The following SYPL1 variants were observed in gnomAD, a reference collection of about 807,000 sequenced individuals.
SYPL1 encodes synaptophysin-like protein 1.
A neutral mutation model predicts 23.7 loss-of-function variants in SYPL1; 6 were observed. The observed-to-expected ratio is 0.25, with a 90% CI of 0.14 to 0.50. The LOEUF is 0.50. Among genes scored for constraint, SYPL1 ranks in the 20% least tolerant of loss-of-function variants. SYPL1 has a pLI of 0.98. For missense variants in SYPL1, 253 were observed against 288.9 expected (o/e 0.88, Z 0.90); for synonymous variants, 102 against 104.5 (o/e 0.98, Z 0.15).
intron 1 of SYPL1, 72 bp from the exon 2 acceptor site, chr7:106,099,354 C>A: frequency 6.6e-7 from 1 of 1,506,886 alleles, no homozygotes; most frequent in South Asian, 1.3e-5. Flanking sequence ...ACAAGGGTCA[C>A]TAAAACTGTA....
At chr7:106,111,035 T>A (rs557997483) in intron 1 of SYPL1, among the ~76,000 whole-genome samples, 15 of 152,380 alleles carry the variant, frequency 9.8e-5, no homozygotes, top group African/African-American at 3.6e-4. Flanking sequence ...TAGTCATTTG[T>A]GTGAAGTCAG....
In SYPL1 at chr7:106,112,198, A is replaced by G; in HGVS notation, c.11T>C (p.Phe4Ser). ...CTTGAGCGGGTTGAGGTTGATCTGG[A>G]AGCCGGACATCCTCTGAGGAAAGGA... is the stretch of plus-strand genomic sequence containing the variant. Reference protein sequence around the residue: MSGFQINLNPLKEP... With the variant: MSGSQINLNPLKEP... Residue 4 changes from phenylalanine (F) to serine (S), a missense_variant, in exon 1 of 5, where the codon TTC becomes TCC. Transcript: ENST00000455385. 6.5e-7 allele frequency: 1 copy of G among 1,542,564 alleles called. No homozygotes were observed. The highest frequency in any genetic ancestry group is 1.2e-5 in the South Asian group (1 of 85,336).
In SYPL1 at chr7:106,092,453, A is replaced by C. The variant is rs117985197; in HGVS notation, c.591+496T>G. ...TTTGAGAGGCTGAAGCAGGCAGATCACTTGAGGTCGGGAGTTTGACCAGCC... is the reference window on the plus strand; with the variant it reads ...TTTGAGAGGCTGAAGCAGGCAGATCCCTTGAGGTCGGGAGTTTGACCAGCC... On this transcript the variant is annotated intron_variant, in intron 4 of 4. Coordinates refer to ENST00000455385, the MANE Select transcript of SYPL1 (RefSeq NM_182715.4). 1,270 of 222,158 alleles carry C rather than the reference A, an allele frequency of 5.7e-3. 5 individuals carry two copies. The highest frequency in any genetic ancestry group is 9.7e-3 in the Non-Finnish European group (1,064 of 109,896). The allele number at this position is 222,158 out of a possible 1,614,324, so 13.8% of individuals were successfully genotyped here. A position where few individuals can be genotyped will look rare whatever the true frequency, so the allele number is the denominator to read the frequency against.
In SYPL1 at chr7:106,112,223, A is replaced by C. The variant is rs773589373; in HGVS notation, c.-15T>G. The stretch of plus-strand genomic sequence containing the variant: ...AAGCCGGACATCCTCTGAGGAAAGG[A>C]GGGAGAGAGAGTCAGGACGACGGGG... On this transcript the variant is annotated 5_prime_UTR_variant, in exon 1 of 5. Transcript: ENST00000455385. 22 of 1,531,294 alleles carry C rather than the reference A, an allele frequency of 1.4e-5. 1 individual carries two copies. In the South Asian group the frequency reaches 2.6e-4, roughly 18 times the overall value. The allele number at this position is 1,531,294 out of a possible 1,614,324, so 94.9% of individuals were successfully genotyped here. A position where few individuals can be genotyped will look rare whatever the true frequency, so the allele number is the denominator to read the frequency against.
At chr7:106,110,588 A>AT (rs1269466857) in intron 1 of SYPL1, among the ~76,000 whole-genome samples, 3 of 152,232 alleles carry the variant, frequency 2.0e-5, no homozygotes, top group Non-Finnish European at 4.4e-5. Context: ...ACCATTAACA[A>AT]TGTGTAGTCT....
chr7:106,111,506 A>C (rs1343254636), intron 1 of SYPL1, among the ~76,000 whole-genome samples: 6 of 152,234 alleles, frequency 3.9e-5, no homozygotes, highest in Admixed American at 1.3e-4. Flanking sequence ...GAAATACCCC[A>C]AACAAACTCG....
intron 1 of SYPL1, among the ~76,000 whole-genome samples, chr7:106,105,113 C>T (rs1029502221): frequency 2.4e-4 from 37 of 152,162 alleles, no homozygotes; most frequent in African/African-American, 8.4e-4. Context: ...CCAGGTTATC[C>T]GCTTCTCCAT....
In SYPL1 at chr7:106,104,795, C is replaced by G. The variant is rs1300636309; in HGVS notation, c.70-5513G>C. Among the ~76,000 whole-genome samples the G allele has an allele frequency of 6.6e-6, 1 of 152,096 alleles. No homozygotes were observed. The highest frequency in any genetic ancestry group is 1.5e-5 in the Non-Finnish European group (1 of 68,012). The stretch of plus-strand genomic sequence containing the variant: ...GTACAAAATTATGAGGGCAAAATAT[C>G]CAACTATCTCACTTCTCCCTATATT... On this transcript the variant is annotated intron_variant, in intron 1 of 4. Transcript: ENST00000455385. The surrounding 1 kb of genome is among the most constrained non-coding windows in gnomAD (Gnocchi z 4.1).
At chr7:106,099,030 G>C in intron 2 of SYPL1, 128 bp downstream of exon 2, 1 of 1,163,358 alleles carries the variant, frequency 8.6e-7, no homozygotes, top group Non-Finnish European at 1.2e-6. Flanking sequence ...GGGAGGTAAT[G>C]ATCACTTACA....
At chr7:106,101,195 C>G (rs1470174910) in intron 1 of SYPL1, among the ~76,000 whole-genome samples, 1 of 152,098 alleles carries the variant, frequency 6.6e-6, no homozygotes, top group Non-Finnish European at 1.5e-5. Context: ...CACTGCTTGA[C>G]ACAGTACTTA....
In SYPL1 at chr7:106,104,400, A is replaced by T. The variant is rs576172437; in HGVS notation, c.70-5118T>A. On this transcript the variant is annotated intron_variant, in intron 1 of 4. Coordinates refer to ENST00000455385, the MANE Select transcript of SYPL1 (RefSeq NM_182715.4). This position sits in a 1 kb window ranked among gnomAD's most constrained non-coding sequence, Gnocchi z 4.1. Reference sequence around the variant, plus strand: ...CTTAAAAATAAAATAAAATAAAAAAATTAAATGGAAAAATGAATTTCCTAA... The same window carrying T: ...CTTAAAAATAAAATAAAATAAAAAATTTAAATGGAAAAATGAATTTCCTAA... Among the ~76,000 whole-genome samples the T allele has an allele frequency of 6.6e-6, 1 of 152,202 alleles. No individual in the cohort carries two copies. Among genetic ancestry groups the T allele is most frequent in the Non-Finnish European group, 1.5e-5 (1 of 68,036 alleles).
rs1400202907 is a variant in SYPL1 at position 106,092,951 on chromosome 7, C to T, written c.589G>A (p.Val197Met). Residue 197 changes from valine to methionine, a missense_variant and splice_region_variant, in exon 4 of 5, where the codon GTG becomes ATG. By Grantham distance (21) the Val-to-Met change is conservative (BLOSUM62 1). Coordinates refer to ENST00000455385, the MANE Select transcript of SYPL1 (RefSeq NM_182715.4). ...AATTATAAATAATGCATACATACCA[C>T]AGATACATTTAGGGATCCCATACTG... ...VTSMGSLNVS[V>M]IFGFLNMILW... is the part of the protein sequence containing the mutation. 3 of 1,573,298 alleles carry T rather than the reference C, an allele frequency of 1.9e-6. No individual in the cohort carries two copies. Among genetic ancestry groups the T allele is most frequent in the Non-Finnish European group, 2.6e-6 (3 of 1,163,318 alleles).
intron 1 of SYPL1, among the ~76,000 whole-genome samples, chr7:106,111,023 A>G (rs1790117480): frequency 6.6e-6 from 1 of 152,240 alleles, no homozygotes; most frequent in Admixed American, 6.5e-5. Context: ...GCGTCTTTCA[A>G]GTAGTCATTT....
In SYPL1 at chr7:106,109,472, G is replaced by A. The variant is rs1359444373; in HGVS notation, c.69+2668C>T. Among the ~76,000 whole-genome samples, 3 of 152,112 alleles carry A rather than the reference G, an allele frequency of 2.0e-5. No individual in the cohort carries two copies. The highest frequency in any genetic ancestry group is 7.2e-5 in the African/African-American group (3 of 41,418). ...GTACTCTTTTCTTGAAATTCTAATA[G>A]TGATGCCAAGGCATTATTTCCCTCA... On this transcript the variant is annotated intron_variant, in intron 1 of 4. Transcript: ENST00000455385. The surrounding 1 kb of genome is among the most constrained non-coding windows in gnomAD (Gnocchi z 4.3).
chr7:106,093,798 CTT>C (rs1441244312), intron 3 of SYPL1, among the ~76,000 whole-genome samples: 2 of 74,128 alleles, frequency 2.7e-5, no homozygotes, highest in African/African-American at 5.8e-5. Context: ...AATGGTATCT[CTT>C]TTAAATTTCC....
chr7:106,092,111 A>G (rs1019732172), intron 4 of SYPL1, among the ~76,000 whole-genome samples, 172 bp from the exon 5 acceptor site: 2 of 152,252 alleles, frequency 1.3e-5, no homozygotes, highest in African/African-American at 4.8e-5. Context: ...CTACACTTCA[A>G]TGTACAAAAT....
Position 106,097,902 on chromosome 7 carries a change from TA to T in SYPL1, c.195-6del, listed in dbSNP as rs780846889. ...TGAAATGATGCCTCATTCAACCTAT[TA>T]AAATAAATGTATGAATTATTGGACT... On this transcript the variant is annotated splice_polypyrimidine_tract_variant and splice_region_variant and intron_variant, in intron 2 of 4. Transcript: ENST00000455385. The surrounding 1 kb of genome is among the most constrained non-coding windows in gnomAD (Gnocchi z 4.6). The T allele has an allele frequency of 6.2e-7, 1 of 1,606,912 alleles. No homozygotes were observed. Among genetic ancestry groups the T allele is most frequent in the Admixed American group, 1.7e-5 (1 of 59,864 alleles).
chr7:106,092,280 CT>C (rs1371763210), intron 4 of SYPL1, among the ~76,000 whole-genome samples: 2 of 152,156 alleles, frequency 1.3e-5, no homozygotes, highest in Non-Finnish European at 2.9e-5. Flanking sequence ...TTATCACCCC[CT>C]CCTACCATCT....
At position 106,093,143 on chromosome 7, in the gene SYPL1, G is replaced by A. The variant is rs1396995348; in HGVS notation, c.403-6C>T. On this transcript the variant is annotated splice_region_variant and splice_polypyrimidine_tract_variant and intron_variant, in intron 3 of 4. Coordinates refer to ENST00000455385, the MANE Select transcript of SYPL1 (RefSeq NM_182715.4). ...ACAAGTGTAACAACAAAGTCCTAAAGCAAAAATCAGTAAGAGTTAATAATG... is the reference window on the plus strand; with the variant it reads ...ACAAGTGTAACAACAAAGTCCTAAAACAAAAATCAGTAAGAGTTAATAATG... 1.9e-6 allele frequency: 3 copies of A among 1,583,168 alleles called. No homozygotes were observed. The highest frequency in any genetic ancestry group is 2.7e-5 in the African/African-American group (2 of 73,100).
Sources: gnomAD v4.1 joint callset for allele counts (sites outside exome capture counted in the v4.1 genomes callset) on GRCh38, gnomAD v4.1.1 for gene constraint, Gnocchi (gnomAD v3.1) non-coding constraint, MANE v1.5 for transcripts, NCBI Gene and HGNC (gene_info 2026-07-23, HGNC 2026-07-21) for gene names.